The following DMP1 variants were observed in gnomAD, a reference collection of about 807,000 sequenced individuals.
The protein encoded by DMP1 is dentin matrix acidic phosphoprotein 1, also known as dentin matrix protein 1.
DMP1 carries 20 observed loss-of-function variants against 14.6 expected under a neutral mutation model. The observed-to-expected ratio is 1.37, with a 90% confidence interval of 0.96 to 1.99. DMP1 has a LOEUF of 1.99. Among genes scored for constraint, DMP1 ranks in the 30% most tolerant of loss-of-function variants. The pLI is 0.00. For synonymous variants in DMP1, 197 were observed against 215.3 expected (o/e 0.91, Z 0.75); for missense variants, 567 against 620.5 (o/e 0.91, Z 0.92).
In DMP1 at chr4:87,662,241, C is replaced by A. The variant is rs773290498; in HGVS notation, c.463C>A (p.Gln155Lys). ...QASEESAPQG[Q>K]DSAQDTTSES... Reference sequence around the variant, plus strand: ...CAGTGAAGAGAGTGCCCCACAAGGGCAAGACAGTGCCCAAGATACCACCAG... The same window carrying A: ...CAGTGAAGAGAGTGCCCCACAAGGGAAAGACAGTGCCCAAGATACCACCAG... Residue 155 changes from glutamine to lysine, a missense_variant, in exon 6 of 6, where the codon CAA (glutamine) becomes AAA (lysine). Transcript: ENST00000339673. 4 of 1,614,162 alleles carry A rather than the reference C, an allele frequency of 2.5e-6. No homozygotes were observed. The highest frequency in any genetic ancestry group is 3.4e-6 in the Non-Finnish European group (4 of 1,180,042).
At chr4:87,661,647 GT>G (rs33971931) in intron 5 of DMP1, among the ~76,000 whole-genome samples, 37 of 142,938 alleles carry the variant, frequency 2.6e-4, no homozygotes, top group Admixed American at 9.0e-4. Context: ...CAGCCCAAGA[GT>G]TTTTTTTTTT....
intron 1 of DMP1, among the ~76,000 whole-genome samples, chr4:87,650,770 G>A (rs1728513634): frequency 1.3e-5 from 2 of 151,768 alleles, no homozygotes. Flanking sequence ...CTACAAGATT[G>A]TGAAAAAAAA....
intron 1 of DMP1, among the ~76,000 whole-genome samples, chr4:87,653,405 A>ATATATATATATATATATAT (rs1728581076): frequency 9.8e-5 from 10 of 102,022 alleles, no homozygotes; most frequent in Non-Finnish European, 2.0e-4. Flanking sequence ...ATATATATAT[A>ATATATATATATATATATAT]TATATATATA....
At chr4:87,656,443 G>C (rs776603850) in intron 1 of DMP1, 29 bp from the exon 2 acceptor site, 11 of 1,283,134 alleles carry the variant, frequency 8.6e-6, no homozygotes, top group African/African-American at 2.9e-5. Flanking sequence ...CTTTAACATG[G>C]AGAGAAACAT....
At chr4:87,658,035 A>G (rs1405567913) in intron 3 of DMP1, among the ~76,000 whole-genome samples, 1 of 152,146 alleles carries the variant, frequency 6.6e-6, no homozygotes, top group East Asian at 1.9e-4. Flanking sequence ...GACACTCTAG[A>G]TCCTCTCTCT....
chr4:87,662,235 C>T lies in DMP1; in HGVS notation c.457C>T (p.Gln153Ter). 2 of 1,614,150 alleles carry T rather than the reference C, an allele frequency of 1.2e-6. No homozygotes were observed. The highest frequency in any genetic ancestry group is 8.5e-7 in the Non-Finnish European group (1 of 1,180,036). The part of the protein sequence containing the change: ...TIQASEESAP[Q>*]GQDSAQDTTS... The stretch of plus-strand genomic sequence containing the variant: ...ACAAGCCAGTGAAGAGAGTGCCCCA[C>T]AAGGGCAAGACAGTGCCCAAGATAC... The change falls in exon 6 of 6, where the codon CAA becomes TAA. Residue 153 changes from glutamine to a stop codon, truncating the protein, a stop_gained. Transcript: ENST00000339673. LOFTEE classifies it low-confidence loss of function (END_TRUNC).
rs1729023139 is a variant in DMP1 at position 87,664,206 on chromosome 4, T to C, written c.*886T>C. ...TTAGCTTTATTTTTTCTAAAATCAG[T>C]TTGCGTGCAATGCTAGAAAAAAACT... On this transcript the variant is annotated 3_prime_UTR_variant, in exon 6 of 6. Transcript: ENST00000339673. 1 of 152,588 alleles carries C rather than the reference T, an allele frequency of 6.6e-6. No homozygotes were observed. The highest frequency in any genetic ancestry group is 6.6e-5 in the Admixed American group (1 of 15,266). The allele number at this position is 152,588 out of a possible 1,614,324, so 9.5% of individuals were successfully genotyped here.
chr4:87,656,981 A>G (rs376999442), intron 2 of DMP1, 51 bp from the exon 3 acceptor site: 2 of 1,121,298 alleles, frequency 1.8e-6, no homozygotes, highest in African/African-American at 3.0e-5. Flanking sequence ...GTTAATAACT[A>G]TTGCTTTAGA....
intron 1 of DMP1, among the ~76,000 whole-genome samples, chr4:87,652,115 G>C (rs952633126): frequency 6.6e-6 from 1 of 152,066 alleles, no homozygotes; most frequent in Non-Finnish European, 1.5e-5. Context: ...CTTCCAAATG[G>C]ATGGAACTCA....
chr4:87,658,331 A>AC (rs1728758758), intron 3 of DMP1, among the ~76,000 whole-genome samples: 1 of 152,236 alleles, frequency 6.6e-6, no homozygotes, highest in African/African-American at 2.4e-5. Flanking sequence ...TCCACACAGG[A>AC]CTTTGCCCTC....
intron 5 of DMP1, 94 bp from the exon 6 acceptor site, chr4:87,661,868 G>A (rs1218382930): frequency 5.0e-6 from 8 of 1,604,952 alleles, no homozygotes; most frequent in Non-Finnish European, 6.8e-6. Context: ...GGGGATGTAG[G>A]GCGAAGGAAG....
chr4:87,657,273 T>G (rs1728727657), intron 3 of DMP1, 194 bp downstream of exon 3: 2 of 483,034 alleles, frequency 4.1e-6, no homozygotes, highest in South Asian at 5.7e-5. Context: ...AAGCATATTT[T>G]CTGTTAGCTT....
Position 87,657,023 on chromosome 4 carries a change from A to G in DMP1, c.55-9A>G. On this transcript the variant is annotated splice_polypyrimidine_tract_variant and intron_variant, in intron 2 of 5. Coordinates refer to ENST00000339673, the MANE Select transcript of DMP1 (RefSeq NM_004407.4). ...TCTTTGGATTTACCATGTGTACTAA[A>G]TTTTCTAGGTAACCAGGTATCAAAA... The G allele has an allele frequency of 6.6e-7, 1 of 1,519,064 alleles. No individual in the cohort carries two copies. The highest frequency in any genetic ancestry group is 9.1e-7 in the Non-Finnish European group (1 of 1,093,780). The allele number at this position is 1,519,064 out of a possible 1,614,324, so 94.1% of individuals were successfully genotyped here. A position where few individuals can be genotyped will look rare whatever the true frequency, so the allele number is the denominator to read the frequency against.
intron 1 of DMP1, among the ~76,000 whole-genome samples, chr4:87,653,407 A>ATATATAATATATATATATATATTT (rs1553906475): frequency 9.6e-6 from 1 of 104,196 alleles, no homozygotes; most frequent in Non-Finnish European, 2.0e-5. Flanking sequence ...ATATATATAT[A>ATATATAATATATATATATATATTT]TATATATATA....
At chr4:87,659,342 A>G in intron 4 of DMP1, 89 bp from the exon 5 acceptor site, 2 of 1,596,996 alleles carry the variant, frequency 1.3e-6, no homozygotes, top group Non-Finnish European at 1.7e-6. Context: ...AAAGTAGTAA[A>G]TCCAGACTGG....
At position 87,658,746 on chromosome 4, in the gene DMP1, C is replaced by A. The variant is rs1420890455; in HGVS notation, c.103-474C>A. The A allele has an allele frequency of 2.8e-5, 5 of 178,030 alleles. No homozygotes were observed. The South Asian group carries it at 3.5e-4, about 12-fold the overall frequency. The allele number at this position is 178,030 out of a possible 1,614,324, so 11.0% of individuals were successfully genotyped here. ...TCAGACACGTGAAGTGAATTGCCCA[C>A]CTTCACCTAGAGTAACCAACCATCT... On this transcript the variant is annotated intron_variant, in intron 3 of 5. Transcript: ENST00000339673.
At chr4:87,656,580 C>G in intron 2 of DMP1, 34 bp downstream of exon 2, 2 of 1,423,458 alleles carry the variant, frequency 1.4e-6, no homozygotes, top group Non-Finnish European at 2.0e-6. Context: ...TGAAAAAACC[C>G]TTTCATACTT....
chr4:87,660,232 C>G (rs1392392731), intron 5 of DMP1, among the ~76,000 whole-genome samples: 1 of 152,154 alleles, frequency 6.6e-6, no homozygotes, highest in Non-Finnish European at 1.5e-5. Context: ...TTAAGGTTAT[C>G]AAAGGAACAT....
rs780696212 is a variant in DMP1, at chr4:87,662,874, G to C, written c.1096G>C (p.Asp366His). ...AGAGGTGGTGAGTGAGTCCAGGGGA[G>C]ATAACCCCGACCCCACAACTAGTTA... ...QEEVVSESRG[D>H]NPDPTTSYVE... is the part of the protein sequence containing the mutation. Residue 366 changes from aspartate (D) to histidine (H), a missense_variant, in exon 6 of 6, where the codon GAT becomes CAT. By Grantham distance (81) the Asp-to-His change is moderately conservative. Coordinates refer to ENST00000339673, the MANE Select transcript of DMP1 (RefSeq NM_004407.4). The C allele has an allele frequency of 7.4e-6, 12 of 1,614,010 alleles. No individual in the cohort carries two copies. Among genetic ancestry groups the C allele is most frequent in the African/African-American group, 1.3e-5 (1 of 74,916 alleles).
Sources: allele counts gnomAD v4.1 joint callset (sites outside exome capture counted in the v4.1 genomes callset), GRCh38; gene constraint gnomAD v4.1.1; transcripts MANE v1.5; gene names NCBI Gene and HGNC (gene_info 2026-07-23, HGNC 2026-07-21).